Variants in LMO7 observed in about 807,000 individuals in gnomAD.
LMO7 encodes LIM domain only protein 7.
Under a neutral mutation model 206.5 loss-of-function variants are expected in LMO7, and 120 were observed. The observed-to-expected ratio is 0.58, with a 90% CI of 0.50 to 0.68. The LOEUF (loss-of-function observed/expected upper bound fraction) is 0.68. Among genes scored for constraint, LMO7 ranks in the 30% least tolerant of loss-of-function variants. The pLI, the probability that LMO7 is intolerant of heterozygous loss-of-function variation, is 0.00. For missense variants in LMO7, 1,959 were observed against 1,957.9 expected (o/e 1.00, Z -0.01); for synonymous variants, 706 against 681.5 (o/e 1.04, Z -0.56).
intron 4 of LMO7, among the ~76,000 whole-genome samples, chr13:75,776,112 TAC>T (rs1297817066): frequency 2.1e-4 from 16 of 77,270 alleles, no homozygotes; most frequent in African/African-American, 5.1e-4. Flanking sequence ...TATATATATA[TAC>T]ATACATACAT....
intron 4 of LMO7, among the ~76,000 whole-genome samples, chr13:75,778,498 C>G (rs2050833681): frequency 6.6e-6 from 1 of 152,244 alleles, no homozygotes; most frequent in Admixed American, 6.5e-5. Context: ...TCCCAAAATG[C>G]TGGGATTACA....
intron 2 of LMO7, among the ~76,000 whole-genome samples, chr13:75,719,172 G>T (rs2043811409): frequency 6.6e-6 from 1 of 151,960 alleles, no homozygotes; most frequent in Non-Finnish European, 1.5e-5. Flanking sequence ...TAGAGACAGG[G>T]TTTCACCATG....
chr13:75,639,175 G>C (rs1279152591), intron 1 of LMO7, among the ~76,000 whole-genome samples: 1 of 152,146 alleles, frequency 6.6e-6, no homozygotes, highest in Non-Finnish European at 1.5e-5. Context: ...AGTAGCTAAT[G>C]TGTTATTCTC....
chr13:75,623,010 C>T (rs571169246), intron 1 of LMO7, among the ~76,000 whole-genome samples: 1 of 152,076 alleles, frequency 6.6e-6, no homozygotes, highest in African/African-American at 2.4e-5. Context: ...GAAATTCCTG[C>T]AAACCACTAG....
chr13:75,850,629 C>T (rs886086520), intron 27 of LMO7, among the ~76,000 whole-genome samples: 1 of 152,150 alleles, frequency 6.6e-6, no homozygotes, highest in Non-Finnish European at 1.5e-5. Context: ...TGAGTTAAGA[C>T]AGTAACTCAC....
chr13:75,669,146 CA>C (rs1444151474), intron 1 of LMO7, among the ~76,000 whole-genome samples: 4 of 151,968 alleles, frequency 2.6e-5, no homozygotes, highest in African/African-American at 9.7e-5. Flanking sequence ...AAATTGTTAC[CA>C]AAACCAAAGT....
chr13:75,773,651 TA>T (rs2050025717), intron 4 of LMO7, among the ~76,000 whole-genome samples: 1 of 152,120 alleles, frequency 6.6e-6, no homozygotes, highest in South Asian at 2.1e-4. Flanking sequence ...GTGCAACCAT[TA>T]AAAGAAACAG....
intron 1 of LMO7, among the ~76,000 whole-genome samples, chr13:75,707,328 TA>T (rs2137999684): frequency 6.6e-6 from 1 of 152,230 alleles, no homozygotes; most frequent in Non-Finnish European, 1.5e-5. Flanking sequence ...CAATTTTTCA[TA>T]AACTTTCCCA....
intron 4 of LMO7, among the ~76,000 whole-genome samples, chr13:75,761,719 C>T (rs911540218): frequency 2.6e-5 from 4 of 151,920 alleles, no homozygotes; most frequent in African/African-American, 9.7e-5. Flanking sequence ...ATTTATATTT[C>T]CTATAAATCT....
intron 4 of LMO7, among the ~76,000 whole-genome samples, chr13:75,777,161 T>C (rs2050618610): frequency 6.9e-6 from 1 of 145,474 alleles, no homozygotes; most frequent in African/African-American, 2.8e-5. Flanking sequence ...CACTGTTTTA[T>C]TTCTTTTTTT....
chr13:75,818,164 G>T (rs2057235788), intron 12 of LMO7, among the ~76,000 whole-genome samples: 1 of 152,146 alleles, frequency 6.6e-6, no homozygotes. Flanking sequence ...ATATCACTTT[G>T]CCAAAATACA....
rs182908547 is a variant in LMO7 at position 75,807,543 on chromosome 13, T to C, written c.1260T>C (p.His420=). The C allele has an allele frequency of 4.8e-3, 7,797 of 1,613,916 alleles. 31 individuals are homozygous for C. Among genetic ancestry groups the C allele is most frequent in the Non-Finnish European group, 5.8e-3 (6,816 of 1,179,862 alleles). Residue 420 remains histidine (H), a synonymous_variant, in exon 10 of 31, where the codon CAT becomes CAC. Coordinates refer to ENST00000377534, the MANE Select transcript of LMO7 (RefSeq NM_001306080.2). ...ATGACATCTTGTCTTCTGAAACACA[T>C]ACCAAAATTGATCCCACTTCTGGCC... ...YSDDILSSET[H]TKIDPTSGPR...
chr13:75,748,661 T>G (rs757897513), intron 3 of LMO7, among the ~76,000 whole-genome samples: 8 of 151,886 alleles, frequency 5.3e-5, no homozygotes, highest in Non-Finnish European at 8.8e-5. Flanking sequence ...GAGGTTGGAG[T>G]ATGAGGCAAG....
intron 2 of LMO7, among the ~76,000 whole-genome samples, chr13:75,723,050 A>G (rs1287183594): frequency 1.3e-5 from 2 of 151,970 alleles, no homozygotes; most frequent in Non-Finnish European, 2.9e-5. Flanking sequence ...ATAAAAGACT[A>G]CATATTGCGT....
chr13:75,658,938 T>C lies in LMO7; in HGVS notation c.69+22212T>C, dbSNP rs918520894. On this transcript the variant is annotated intron_variant, in intron 1 of 30. Coordinates refer to ENST00000377534, the MANE Select transcript of LMO7 (RefSeq NM_001306080.2). Reference sequence around the variant, plus strand: ...AGTGTAGAAAAATGCTATTGAGAAGTTTTTCTATTCAGGAACTCAACTCTT... The same window carrying C: ...AGTGTAGAAAAATGCTATTGAGAAGCTTTTCTATTCAGGAACTCAACTCTT... Among the ~76,000 whole-genome samples, 3 of 152,210 alleles carry C rather than the reference T, an allele frequency of 2.0e-5. No individual in the cohort carries two copies. The East Asian group carries it at 5.8e-4, about 29-fold the overall frequency.
Position 75,823,455 on chromosome 13 carries a change from T to C in LMO7, c.2641-110T>C, listed in dbSNP as rs147267945. 8.5e-5 allele frequency: 68 copies of C among 804,360 alleles called. No individual in the cohort carries two copies. The African/African-American group carries it at 9.1e-4, about 11-fold the overall frequency. 49.8% of individuals were successfully genotyped at this position (804,360 alleles called of 1,614,324 possible). ...AAGCTTTTAGCAATAGTTATGTTAC[T>C]GTGGGAGGTATGTTATTTTAGTTTT... is the stretch of plus-strand genomic sequence containing the variant. On this transcript the variant is annotated intron_variant, in intron 14 of 30. Coordinates refer to ENST00000377534, the MANE Select transcript of LMO7 (RefSeq NM_001306080.2).
At chr13:75,647,465 A>T (rs7317170) in intron 1 of LMO7, among the ~76,000 whole-genome samples, 45,967 of 152,078 alleles carry the variant, frequency 0.3, 7,125 homozygotes, top group Middle Eastern at 0.35. Flanking sequence ...ATTCTAAAGA[A>T]GCCTGAAAGT....
chr13:75,632,891 C>T (rs578105420), upstream of LMO7, among the ~76,000 whole-genome samples: 24 of 58,608 alleles, frequency 4.1e-4, no homozygotes, highest in South Asian at 0.01. Context: ...GATGGAGTCT[C>T]GTTCTGTTGC....
At chr13:75,717,073 ACT>A (rs1402658819) in intron 2 of LMO7, among the ~76,000 whole-genome samples, 1 of 149,106 alleles carries the variant, frequency 6.7e-6, no homozygotes, top group Non-Finnish European at 1.5e-5. Context: ...CAGTAAGAAC[ACT>A]CTTCTCGGCC....
Sources: gnomAD v4.1 joint callset for allele counts (sites outside exome capture counted in the v4.1 genomes callset) on GRCh38, gnomAD v4.1.1 for gene constraint, MANE v1.5 for transcripts, NCBI Gene and HGNC (gene_info 2026-07-23, HGNC 2026-07-21) for gene names.